The following OR6J1 variants were observed in gnomAD, a reference collection of about 807,000 sequenced individuals.
OR6J1 encodes olfactory receptor family 6 subfamily J member 1, also known as olfactory receptor 6J1.
For synonymous variants in OR6J1, 109 were observed against 70.0 expected (o/e 1.56, Z -2.78); for missense variants, 304 against 166.8 (o/e 1.82, Z -4.53).
At chr14:22,635,026 G>A (rs2037574143) in intron 1 of OR6J1, among the ~76,000 whole-genome samples, 188 bp from the exon 2 acceptor site, 1 of 152,186 alleles carries the variant, frequency 6.6e-6, no homozygotes, top group African/African-American at 2.4e-5. Context: ...AATGTACACT[G>A]TCAGCAAGGG....
chr14:22,640,240 T>TGGAA (rs1350507249), intron 1 of OR6J1, among the ~76,000 whole-genome samples: 3 of 56,596 alleles, frequency 5.3e-5, no homozygotes, highest in African/African-American at 1.5e-4. Context: ...GAAGGAAGGA[T>TGGAA]GGAAGGAAGG....
chr14:22,633,547 T>A lies in OR6J1; in HGVS notation c.*221A>T. 1 of 513,804 alleles carries A rather than the reference T, an allele frequency of 1.9e-6. No individual in the cohort carries two copies. Among genetic ancestry groups the A allele is most frequent in the Admixed American group, 3.7e-5 (1 of 27,278 alleles). 31.8% of individuals were successfully genotyped at this position (513,804 alleles called of 1,614,324 possible). A position where few individuals can be genotyped will look rare whatever the true frequency, so the allele number is the denominator to read the frequency against. On this transcript the variant is annotated 3_prime_UTR_variant, in exon 2 of 2. Transcript: ENST00000540461. ...GCATGGCCCTTCCATTCTTACAATATTCAGTGTGGATGGGGCTTAGAGATC... is the reference window on the plus strand; with the variant it reads ...GCATGGCCCTTCCATTCTTACAATAATCAGTGTGGATGGGGCTTAGAGATC...
intron 1 of OR6J1, among the ~76,000 whole-genome samples, chr14:22,635,161 G>A (rs2037575206): frequency 6.6e-6 from 1 of 152,174 alleles, no homozygotes; most frequent in South Asian, 2.1e-4. Context: ...CCATCCTGAG[G>A]AAGTAGTCAT....
At chr14:22,640,824 T>A (rs2037639818) in intron 1 of OR6J1, among the ~76,000 whole-genome samples, 1 of 148,500 alleles carries the variant, frequency 6.7e-6, no homozygotes, top group Non-Finnish European at 1.5e-5. Flanking sequence ...CCCAGCCTCT[T>A]CTTGATATTT....
chr14:22,638,344 T>G (rs1459935562), intron 1 of OR6J1, among the ~76,000 whole-genome samples: 53 of 57,534 alleles, frequency 9.2e-4, no homozygotes, highest in South Asian at 3.8e-3. Context: ...TGTTGATCTG[T>G]GACCTTATCC....
rs561330591 is a variant in OR6J1, at chr14:22,634,230, G to A, written c.582C>T (p.Ile194=). Residue 194 remains isoleucine, a synonymous_variant, in exon 2 of 2, where the codon ATC becomes ATT. Coordinates refer to ENST00000540461, the MANE Select transcript of OR6J1 (RefSeq NM_001348233.2). ...AAGAAAGCATAAAATCCATCAGCTC[G>A]ATGGCAGTGGTGTCTGCACAGGCCA... is the stretch of plus-strand genomic sequence containing the variant. The part of the protein sequence containing the change: ...LALACADTTA[I]ELMDFMLSSM... 1.4e-5 allele frequency: 10 copies of A among 703,408 alleles called. 1 individual carries two copies. The highest frequency in any genetic ancestry group is 7.4e-5 in the South Asian group (5 of 67,588). The allele number at this position is 703,408 out of a possible 1,614,324, so 43.6% of individuals were successfully genotyped here.
At chr14:22,640,840 A>T (rs2037639877) in intron 1 of OR6J1, among the ~76,000 whole-genome samples, 1 of 149,880 alleles carries the variant, frequency 6.7e-6, no homozygotes, top group South Asian at 2.1e-4. Context: ...TATTTTCAGT[A>T]TTTTTTTTTA....
intron 1 of OR6J1, among the ~76,000 whole-genome samples, chr14:22,643,381 G>A (rs1371836671): frequency 1.3e-5 from 2 of 150,986 alleles, no homozygotes; most frequent in Non-Finnish European, 3.0e-5. Context: ...CTACATCCTC[G>A]ACCTCCCAGG....
rs745710842 is a variant in OR6J1 at position 22,634,585 on chromosome 14, A to G, written c.227T>C (p.Ile76Thr). The G allele has an allele frequency of 1.4e-6, 1 of 716,188 alleles. No homozygotes were observed. The highest frequency in any genetic ancestry group is 1.5e-5 in the South Asian group (1 of 68,292). The allele number at this position is 716,188 out of a possible 1,614,324, so 44.4% of individuals were successfully genotyped here. The change falls in exon 2 of 2, where the codon ATC (isoleucine) becomes ACC (threonine). Residue 76 changes from isoleucine (I) to threonine (T), a missense_variant. By Grantham distance (89) the Ile-to-Thr change is moderately conservative. Coordinates refer to ENST00000540461, the MANE Select transcript of OR6J1 (RefSeq NM_001348233.2). ...TAAGTTGGCCAACACTTTTGGAGAG[A>G]TGACTGAGGTGAAGAGGATGTCCAG... ...SILDILFTSVISPKVLANLGS... is the reference protein window; with the variant it reads ...SILDILFTSVTSPKVLANLGS...
intron 1 of OR6J1, among the ~76,000 whole-genome samples, chr14:22,641,270 G>GAAAGA (rs2037646292): frequency 3.3e-4 from 25 of 75,680 alleles, no homozygotes; most frequent in Admixed American, 1.6e-3. Flanking sequence ...AGAAAGAAAG[G>GAAAGA]AAGGAAGGAA....
Position 22,634,498 on chromosome 14 carries a change from A to C in OR6J1, c.314T>G (p.Phe105Cys), listed in dbSNP as rs2037570025. Residue 105 changes from phenylalanine to cysteine, a missense_variant, in exon 2 of 2, where the codon TTC becomes TGC. Phe to Cys is a radical substitution (Grantham distance 205). Coordinates refer to ENST00000540461, the MANE Select transcript of OR6J1 (RefSeq NM_001348233.2). ...CAGGAGGAACTCAACTGTGCCCAAG[A>C]AAAAGTAGAAATAGCACTGGGTGAT... is the stretch of plus-strand genomic sequence containing the variant. ...GCITQCYFYF[F>C]LGTVEFLLLT... The C allele has an allele frequency of 1.4e-6, 1 of 703,282 alleles. No homozygotes were observed. The highest frequency in any genetic ancestry group is 2.0e-5 in the Admixed American group (1 of 49,996). 43.6% of individuals were successfully genotyped at this position (703,282 alleles called of 1,614,324 possible). A position where few individuals can be genotyped will look rare whatever the true frequency, so the allele number is the denominator to read the frequency against.
chr14:22,636,550 G>C (rs1277774637), intron 1 of OR6J1, among the ~76,000 whole-genome samples: 1 of 114,614 alleles, frequency 8.7e-6, no homozygotes, highest in Non-Finnish European at 1.7e-5. Context: ...GCCTGCGATT[G>C]CAGGCGCACG....
chr14:22,638,068 G>C (rs2037608888), intron 1 of OR6J1, among the ~76,000 whole-genome samples: 1 of 105,390 alleles, frequency 9.5e-6, no homozygotes, highest in South Asian at 2.7e-4. Context: ...GCCCCATCCG[G>C]GAGGTGAGGG....
In OR6J1 at chr14:22,633,677, A is replaced by C. The variant is rs2037562299; in HGVS notation, c.*91T>G. ...AAAGTGAAAACCAAGGCCAGCGTTC[A>C]AGTCTCTGTCTCCGCAGTCAGTCTT... On this transcript the variant is annotated 3_prime_UTR_variant, in exon 2 of 2. Coordinates refer to ENST00000540461, the MANE Select transcript of OR6J1 (RefSeq NM_001348233.2). 3.3e-6 allele frequency: 2 copies of C among 600,766 alleles called. No individual in the cohort carries two copies. Among genetic ancestry groups the C allele is most frequent in the African/African-American group, 1.9e-5 (1 of 53,850 alleles). 37.2% of individuals were successfully genotyped at this position (600,766 alleles called of 1,614,324 possible). A position where few individuals can be genotyped will look rare whatever the true frequency, so the allele number is the denominator to read the frequency against.
At position 22,632,054 on chromosome 14, in the gene OR6J1, G is replaced by T. The variant is rs116935859; in HGVS notation, c.*1714C>A. On this transcript the variant is annotated 3_prime_UTR_variant, in exon 2 of 2. Transcript: ENST00000540461. ...CTGCAGCAGTTCCTTAGGTATGCATGTGTCCTTCTGACCAGTTCCACGCAG... is the reference window on the plus strand; with the variant it reads ...CTGCAGCAGTTCCTTAGGTATGCATTTGTCCTTCTGACCAGTTCCACGCAG... 8.7e-3 allele frequency: 1,319 copies of T among 152,404 alleles called. 9 individuals carry two copies. The highest frequency in any genetic ancestry group is 0.014 in the Non-Finnish European group (954 of 68,092). 9.4% of individuals were successfully genotyped at this position (152,404 alleles called of 1,614,324 possible).
chr14:22,636,933 G>A lies in OR6J1; in HGVS notation c.-27-2095C>T, dbSNP rs556172794. 2.0e-4 allele frequency among the ~76,000 whole-genome samples: 25 copies of A among 121,952 alleles called. 1 individual carries two copies. In the South Asian group the frequency reaches 4.9e-3, roughly 24 times the overall value. 80.0% of individuals were successfully genotyped at this position (121,952 alleles called of 152,430 possible). On this transcript the variant is annotated intron_variant, in intron 1 of 1. Transcript: ENST00000540461. ...CTGCCCAGTCTGGAAAGTGAGGAGC[G>A]TCTCTGCCCGGCCGCCATCCCATCT...
At position 22,640,844 on chromosome 14, in the gene OR6J1, T is replaced by G. The variant is rs917927981; in HGVS notation, c.-28+3254A>C. On this transcript the variant is annotated intron_variant, in intron 1 of 1. Transcript: ENST00000540461. ...CCTCTTCTTGATATTTTCAGTATTT[T>G]TTTTTACAATGAACAAATATTCCTT... is the stretch of plus-strand genomic sequence containing the variant. Among the ~76,000 whole-genome samples the G allele has an allele frequency of 2.0e-5, 3 of 151,158 alleles. 1 individual carries two copies. Among genetic ancestry groups the G allele is most frequent in the Non-Finnish European group, 4.4e-5 (3 of 67,646 alleles).
intron 1 of OR6J1, among the ~76,000 whole-genome samples, chr14:22,640,368 A>G (rs895966784): frequency 1.3e-5 from 2 of 150,150 alleles, no homozygotes; most frequent in Admixed American, 6.7e-5. Context: ...GGAAGGGGGA[A>G]AAAAGAGAAG....
At chr14:22,640,262 G>GAAGGAAGC (rs2037634802) in intron 1 of OR6J1, among the ~76,000 whole-genome samples, 2 of 85,766 alleles carry the variant, frequency 2.3e-5, no homozygotes, top group Non-Finnish European at 4.4e-5. Context: ...AGGAAGCAAG[G>GAAGGAAGC]AAGGAAGGAA....
Sources: gnomAD v4.1 joint callset for allele counts (sites outside exome capture counted in the v4.1 genomes callset) on GRCh38, gnomAD v4.1.1 for gene constraint, MANE v1.5 for transcripts, NCBI Gene and HGNC (gene_info 2026-07-23, HGNC 2026-07-21) for gene names.